The following PAIP1 variants were observed in gnomAD, a reference collection of about 807,000 sequenced individuals.
PAIP1 encodes poly(A) binding protein interacting protein 1.
In PAIP1, 16 loss-of-function variants were observed where a neutral mutation model predicts 61.3. That is an observed-to-expected ratio of 0.26 (90% CI 0.18 to 0.40). The LOEUF is 0.40. PAIP1 is among the 10% of genes least tolerant of loss of function. The probability of loss-of-function intolerance (pLI) is 1.00; values close to 1 mark genes in which losing one functional copy is unlikely to be tolerated. For missense variants in PAIP1, 416 were observed against 600.9 expected (o/e 0.69, Z 3.22); for synonymous variants, 187 against 226.2 (o/e 0.83, Z 1.56).
intron 2 of PAIP1, among the ~76,000 whole-genome samples, chr5:43,554,320 T>G (rs1747981025): frequency 6.6e-6 from 1 of 152,198 alleles, no homozygotes; most frequent in Non-Finnish European, 1.5e-5. Flanking sequence ...AAGAGTTTAT[T>G]CAACCTCTTA....
chr5:43,534,369 T>C (rs779481381), intron 8 of PAIP1, among the ~76,000 whole-genome samples: 142 of 152,216 alleles, frequency 9.3e-4, no homozygotes, highest in Non-Finnish European at 1.6e-3. Flanking sequence ...CCAGCTGACT[T>C]TGTAGTTTTA....
At chr5:43,546,664 C>A (rs1469209123) in intron 3 of PAIP1, among the ~76,000 whole-genome samples, 2 of 152,100 alleles carry the variant, frequency 1.3e-5, no homozygotes, top group Non-Finnish European at 2.9e-5. Context: ...CTGATCATGG[C>A]CCATTTTTTT....
intron 4 of PAIP1, among the ~76,000 whole-genome samples, chr5:43,540,843 C>G (rs1423259298): frequency 6.6e-6 from 1 of 152,124 alleles, no homozygotes; most frequent in Non-Finnish European, 1.5e-5. Flanking sequence ...CATGTCCTAG[C>G]TCCACCTCGT....
At chr5:43,543,173 A>C (rs1747484736) in intron 3 of PAIP1, 57 bp from the exon 4 acceptor site, 2 of 835,538 alleles carry the variant, frequency 2.4e-6, no homozygotes, top group African/African-American at 3.4e-5. Context: ...TAATGTAAAT[A>C]CTTAACAGCA....
chr5:43,541,598 G>C (rs942598598), intron 4 of PAIP1, among the ~76,000 whole-genome samples: 1 of 149,898 alleles, frequency 6.7e-6, no homozygotes, highest in Non-Finnish European at 1.5e-5. Flanking sequence ...AATTTTCAAG[G>C]GTCTCTGGGG....
At chr5:43,552,850 A>G (rs533771610) in intron 2 of PAIP1, among the ~76,000 whole-genome samples, 1 of 152,318 alleles carries the variant, frequency 6.6e-6, no homozygotes, top group South Asian at 2.1e-4. Context: ...TACAGTGCTC[A>G]AAGTTTTAAA....
chr5:43,556,493 G>A, intron 1 of PAIP1, 89 bp downstream of exon 1: 2 of 1,203,392 alleles, frequency 1.7e-6, no homozygotes, highest in Non-Finnish European at 1.0e-6. Context: ...GGTGGGGACC[G>A]CAGACAGCGC....
Position 43,539,411 on chromosome 5 carries a change from AT to A in PAIP1, c.735-377del, listed in dbSNP as rs796277345. The stretch of plus-strand genomic sequence containing the variant: ...TGATTTTACCCAAATTGTCTCTGTA[AT>A]TTTTTTTTTAATACTACAACTTTGA... On this transcript the variant is annotated intron_variant, in intron 4 of 10. Transcript: ENST00000306846. Among the ~76,000 whole-genome samples the A allele has an allele frequency of 8.8e-4, 131 of 149,690 alleles. 2 individuals are homozygous for A. In the South Asian group the frequency reaches 0.011, roughly 13 times the overall value.
chr5:43,555,951 G>A lies in PAIP1; in HGVS notation c.314C>T (p.Pro105Leu), dbSNP rs1362547839. ...CATTGCTGACTCCGAGTTCTGCTGT[G>A]GGATTTTATCCTGTGAACTAGGTGG... ...RAPPSSQDKI[P>L]QQNSESAMAK... The change falls in exon 2 of 11, where the codon CCA (proline) becomes CTA (leucine). Residue 105 changes from proline (P) to leucine (L), a missense_variant. Pro to Leu is a moderately conservative substitution (Grantham distance 98). Coordinates refer to ENST00000306846, the MANE Select transcript of PAIP1 (RefSeq NM_006451.5). 2 of 1,614,068 alleles carry A rather than the reference G, an allele frequency of 1.2e-6. No homozygotes were observed. Among genetic ancestry groups the A allele is most frequent in the Non-Finnish European group, 1.7e-6 (2 of 1,179,962 alleles).
intron 2 of PAIP1, among the ~76,000 whole-genome samples, chr5:43,551,709 G>A (rs952653031): frequency 1.3e-5 from 2 of 150,092 alleles, no homozygotes; most frequent in African/African-American, 4.9e-5. Context: ...GTCATTCTTC[G>A]TGGCAAAAAT....
chr5:43,552,497 A>C (rs1315322498), intron 2 of PAIP1, among the ~76,000 whole-genome samples: 1 of 152,216 alleles, frequency 6.6e-6, no homozygotes, highest in Non-Finnish European at 1.5e-5. Context: ...GAGGTAATAA[A>C]ATGGAAGAAA....
rs1747709691 is a variant in PAIP1, at chr5:43,547,927, A to G, written c.436-14T>C. On this transcript the variant is annotated splice_polypyrimidine_tract_variant and intron_variant, in intron 2 of 10. Transcript: ENST00000306846. ...CTCATAGGATTCCTACGGATCAAAA[A>G]TGAAAAAACAATTTTAATCTATGCA... 1.3e-6 allele frequency: 2 copies of G among 1,568,678 alleles called. No individual in the cohort carries two copies. The highest frequency in any genetic ancestry group is 1.8e-5 in the Admixed American group (1 of 55,168).
chr5:43,546,829 G>A (rs1412262196), intron 3 of PAIP1, among the ~76,000 whole-genome samples: 6 of 151,810 alleles, frequency 4.0e-5, no homozygotes, highest in South Asian at 2.1e-4. Context: ...GATCACTTGC[G>A]GTCAGGAGTT....
chr5:43,547,519 C>T (rs1747688909), intron 3 of PAIP1, among the ~76,000 whole-genome samples: 1 of 152,174 alleles, frequency 6.6e-6, no homozygotes, highest in African/African-American at 2.4e-5. Context: ...ATCTTGACTA[C>T]ACATGTGAAC....
chr5:43,556,019 G>A lies in PAIP1; in HGVS notation c.266-20C>T, dbSNP rs960963010. Reference sequence around the variant, plus strand: ...TTTGCTCTGCAAAAGAAAAAAAAACGGGGCGTCAGATGCATTCTTTCCTTT... The same window carrying A: ...TTTGCTCTGCAAAAGAAAAAAAAACAGGGCGTCAGATGCATTCTTTCCTTT... On this transcript the variant is annotated intron_variant, in intron 1 of 10. Transcript: ENST00000306846. The A allele has an allele frequency of 1.0e-5, 16 of 1,600,008 alleles. No individual in the cohort carries two copies. The highest frequency in any genetic ancestry group is 1.4e-5 in the Non-Finnish European group (16 of 1,173,974).
intron 2 of PAIP1, among the ~76,000 whole-genome samples, chr5:43,553,293 G>T (rs924498511): frequency 6.6e-6 from 1 of 152,150 alleles, no homozygotes; most frequent in African/African-American, 2.4e-5. Context: ...GAAGATAAAA[G>T]GGCTTGGTGC....
intron 3 of PAIP1, among the ~76,000 whole-genome samples, chr5:43,546,975 G>A (rs542236962): frequency 5.5e-5 from 8 of 145,784 alleles, no homozygotes; most frequent in East Asian, 2.0e-4. Flanking sequence ...CCCGGGAGAC[G>A]GAGGTCGCAG....
chr5:43,536,961 A>T lies in PAIP1; in HGVS notation c.847-17T>A. On this transcript the variant is annotated splice_polypyrimidine_tract_variant and intron_variant, in intron 5 of 10. Coordinates refer to ENST00000306846, the MANE Select transcript of PAIP1 (RefSeq NM_006451.5). ...TCCCTTGATCTTTCGGGACCAAAAA[A>T]AAGAACAAAAGGAATGATGCCAAAA... 1 of 1,552,512 alleles carries T rather than the reference A, an allele frequency of 6.4e-7. No homozygotes were observed. Among genetic ancestry groups the T allele is most frequent in the South Asian group, 1.2e-5 (1 of 82,532 alleles).
chr5:43,535,304 C>G (rs780759570), intron 7 of PAIP1, among the ~76,000 whole-genome samples: 1 of 152,148 alleles, frequency 6.6e-6, no homozygotes, highest in Non-Finnish European at 1.5e-5. Context: ...AGAAAATTAG[C>G]TTTTTCAATT....
Sources: allele counts gnomAD v4.1 joint callset (sites outside exome capture counted in the v4.1 genomes callset), GRCh38; gene constraint gnomAD v4.1.1; transcripts MANE v1.5; gene names NCBI Gene and HGNC (gene_info 2026-07-23, HGNC 2026-07-21).